The following AKR1C8 variants were observed in gnomAD, a reference collection of about 807,000 sequenced individuals.
AKR1C8 encodes the protein aldo-keto reductase family 1 member C8.
the AKR1C8 span, among the ~76,000 whole-genome samples, chr10:5,173,445 G>A: frequency 2.6e-5 from 4 of 151,966 alleles, no homozygotes; most frequent in Non-Finnish European, 5.9e-5. Flanking sequence ...TTGGAGGCAG[G>A]AGGAACCAAA....
the AKR1C8 span, among the ~76,000 whole-genome samples, chr10:5,169,439 T>C: frequency 6.6e-6 from 1 of 152,154 alleles, no homozygotes. Flanking sequence ...CATGATTCTG[T>C]TGGTTAAAAA....
chr10:5,158,491 T>A, the AKR1C8 span: 1 of 387,146 alleles, frequency 2.6e-6, no homozygotes, highest in Non-Finnish European at 5.2e-6. Flanking sequence ...TTTTCGCTTT[T>A]AATCTTTGAG....
chr10:5,117,412 C>T, the AKR1C8 span, among the ~76,000 whole-genome samples: 2 of 152,098 alleles, frequency 1.3e-5, no homozygotes, highest in Non-Finnish European at 2.9e-5. Flanking sequence ...ATTTCTGAAG[C>T]AAGCCAGGAC....
the AKR1C8 span, among the ~76,000 whole-genome samples, chr10:5,145,262 A>T: frequency 1.3e-5 from 2 of 151,818 alleles, no homozygotes; most frequent in East Asian, 1.9e-4. Flanking sequence ...AACCTAGGCA[A>T]TACCATTCAG....
At chr10:5,144,466 G>A in the AKR1C8 span, among the ~76,000 whole-genome samples, 1 of 151,864 alleles carries the variant, frequency 6.6e-6, no homozygotes, top group Non-Finnish European at 1.5e-5. Flanking sequence ...ACCTTGGGCA[G>A]TATGGCCATT....
chr10:5,119,758 T>C, the AKR1C8 span, among the ~76,000 whole-genome samples: 1 of 152,208 alleles, frequency 6.6e-6, no homozygotes, highest in Admixed American at 6.6e-5. Context: ...CAATAGCTCA[T>C]GGTCAATATT....
chr10:5,164,702 T>C, the AKR1C8 span, among the ~76,000 whole-genome samples: 1 of 152,134 alleles, frequency 6.6e-6, no homozygotes, highest in African/African-American at 2.4e-5. Context: ...GGAATGTTGA[T>C]TCTGTTCCAC....
the AKR1C8 span, among the ~76,000 whole-genome samples, chr10:5,158,379 G>A: frequency 1.3e-5 from 2 of 152,206 alleles, no homozygotes; most frequent in Admixed American, 1.3e-4. Flanking sequence ...TATTTTAGGA[G>A]TGGGGTTGGG....
chr10:5,157,018 T>G, the AKR1C8 span, among the ~76,000 whole-genome samples: 72 of 152,318 alleles, frequency 4.7e-4, no homozygotes, highest in African/African-American at 1.7e-3. Context: ...CTCCTCAATT[T>G]CTTAGTTTGG....
At chr10:5,174,889 T>C in the AKR1C8 span, among the ~76,000 whole-genome samples, 1 of 152,162 alleles carries the variant, frequency 6.6e-6, no homozygotes, top group African/African-American at 2.4e-5. Flanking sequence ...CCACGGTCTA[T>C]ATAAACATAT....
the AKR1C8 span, among the ~76,000 whole-genome samples, chr10:5,172,756 C>T: frequency 6.6e-6 from 1 of 152,054 alleles, no homozygotes. Context: ...TGAAAGGTTC[C>T]ACAGCCTTTT....
chr10:5,162,965 C>T, the AKR1C8 span: 155,451 of 534,018 alleles, frequency 0.29, 25,589 homozygotes, highest in Non-Finnish European at 0.36. Context: ...ATCAATATGG[C>T]GGAAGCCTAC....
the AKR1C8 span, among the ~76,000 whole-genome samples, chr10:5,173,387 T>C: frequency 1.3e-5 from 2 of 152,006 alleles, no homozygotes; most frequent in South Asian, 2.1e-4. Context: ...GGTTTTTGAA[T>C]GTGTAACAGG....
At chr10:5,151,147 G>A in the AKR1C8 span, among the ~76,000 whole-genome samples, 78 of 152,220 alleles carry the variant, frequency 5.1e-4, 1 homozygote, top group African/African-American at 1.9e-3. Context: ...TAATCTGGGT[G>A]GCACCAGCTG....
At chr10:5,160,990 G>T in the AKR1C8 span, 1 of 429,504 alleles carries the variant, frequency 2.3e-6, no homozygotes, top group South Asian at 1.7e-5. Flanking sequence ...GTTTCAGGAG[G>T]TGGTGATTAT....
the AKR1C8 span, among the ~76,000 whole-genome samples, chr10:5,130,977 G>A: frequency 2.2e-4 from 34 of 152,062 alleles, no homozygotes; most frequent in African/African-American, 7.9e-4. Flanking sequence ...AAGGAGCATA[G>A]TATTAATATA....
chr10:5,125,254 A>C, the AKR1C8 span, among the ~76,000 whole-genome samples: 1 of 152,182 alleles, frequency 6.6e-6, no homozygotes, highest in African/African-American at 2.4e-5. Context: ...CCATTCAAGG[A>C]AACAATGGTA....
the AKR1C8 span, among the ~76,000 whole-genome samples, chr10:5,147,273 T>C: frequency 1.3e-5 from 2 of 152,140 alleles, no homozygotes; most frequent in African/African-American, 4.8e-5. Flanking sequence ...TCTGTCCCAA[T>C]GACCATAACA....
At chr10:5,179,493 T>A in the AKR1C8 span, among the ~76,000 whole-genome samples, 5 of 152,138 alleles carry the variant, frequency 3.3e-5, no homozygotes, top group African/African-American at 1.2e-4. Context: ...CTTTGTGGCA[T>A]TCTCTGTATT....
Sources: gnomAD v4.1 joint callset for allele counts (sites outside exome capture counted in the v4.1 genomes callset) on GRCh38, gnomAD v4.1.1 for gene constraint, MANE v1.5 for transcripts, NCBI Gene and HGNC (gene_info 2026-07-23, HGNC 2026-07-21) for gene names.